Variants in DGKB observed in about 807,000 individuals in gnomAD.
DGKB encodes the protein 90 kDa diacylglycerol kinase.
Under a neutral mutation model 114.3 loss-of-function variants are expected in DGKB, and 67 were observed. The ratio of observed to expected loss-of-function variants is 0.59; its 90% confidence interval spans 0.48 to 0.72. The LOEUF is 0.72. Among genes scored for constraint, DGKB ranks in the 30% least tolerant of loss-of-function variants. DGKB has a pLI of 0.00. For synonymous variants in DGKB, 398 were observed against 323.1 expected (o/e 1.23, Z -2.49); for missense variants, 907 against 975.2 (o/e 0.93, Z 0.93).
At chr7:14,533,395 A>G (rs1272954599) in intron 20 of DGKB, among the ~76,000 whole-genome samples, 1 of 151,854 alleles carries the variant, frequency 6.6e-6, no homozygotes, top group Non-Finnish European at 1.5e-5. Context: ...AGCTTACAAG[A>G]CTTTTGAGAT....
At chr7:14,898,272 C>A (rs1365447882) in intron 1 of DGKB, among the ~76,000 whole-genome samples, 1 of 151,970 alleles carries the variant, frequency 6.6e-6, no homozygotes, top group Non-Finnish European at 1.5e-5. Context: ...AAAGAAGGTG[C>A]AACATTGTGC....
chr7:14,212,449 G>GATTTTACTCTCGTGTTTTGTGATAT (rs1355842044), intron 23 of DGKB, among the ~76,000 whole-genome samples: 1 of 151,208 alleles, frequency 6.6e-6, no homozygotes, highest in Non-Finnish European at 1.5e-5. Context: ...CATGTTTTGT[G>GATTTTACTCTCGTGTTTTGTGATAT]TTCCTCTACA....
upstream of DGKB, chr7:14,903,212 AGTGTGTGTGT>A (rs34367492): frequency 4.7e-3 from 646 of 137,500 alleles, 5 homozygotes; most frequent in Middle Eastern, 0.012. Context: ...AAGTCTGTGC[AGTGTGTGTGT>A]GTGTGTGTGT....
At chr7:14,752,724 T>C (rs534798829) in intron 4 of DGKB, among the ~76,000 whole-genome samples, 60 of 152,280 alleles carry the variant, frequency 3.9e-4, no homozygotes, top group African/African-American at 1.3e-3. Flanking sequence ...AGAGCTTATT[T>C]TGACATGAAT....
At chr7:14,909,477 G>A (rs909592709) in intron 1 of DGKB, among the ~76,000 whole-genome samples, 2 of 151,900 alleles carry the variant, frequency 1.3e-5, no homozygotes, top group African/African-American at 4.8e-5. Context: ...GTGTTGTTAA[G>A]AAGCACTTTA....
intron 20 of DGKB, among the ~76,000 whole-genome samples, chr7:14,542,349 C>T (rs1170573423): frequency 6.6e-6 from 1 of 152,012 alleles, no homozygotes; most frequent in African/African-American, 2.4e-5. Context: ...ATCTCCTTCT[C>T]CTCTGCATCT....
chr7:14,149,263 A>G lies in DGKB; in HGVS notation c.2305-25T>C. 2.6e-6 allele frequency: 4 copies of G among 1,556,640 alleles called. No individual in the cohort carries two copies. In the South Asian group the frequency reaches 3.3e-5, roughly 13 times the overall value. ...TCTAGAAAAAAAGAGAGAGAGAGAG[A>G]GAGAAAGAATAGAGTAATCTCCAGA... On this transcript the variant is annotated intron_variant, in intron 25 of 25. Coordinates refer to ENST00000402815, the MANE Select transcript of DGKB (RefSeq NM_001350709.2).
At chr7:14,149,264 G>A (rs1477175424) in intron 25 of DGKB, 26 bp from the exon 26 acceptor site, 5 of 1,522,572 alleles carry the variant, frequency 3.3e-6, no homozygotes, top group South Asian at 2.3e-5. Context: ...GAGAGAGAGA[G>A]AGAAAGAATA....
In DGKB at chr7:14,676,657, T is replaced by G. The variant is rs187016769; in HGVS notation, c.1036-3630A>C. On this transcript the variant is annotated intron_variant, in intron 12 of 25. Coordinates refer to ENST00000402815, the MANE Select transcript of DGKB (RefSeq NM_001350709.2). ...TCATCATATTTCGTGGACAAGAATA[T>G]AAGAAAAAGACACAGCTGGGTCCTT... Among the ~76,000 whole-genome samples the G allele has an allele frequency of 5.4e-3, 821 of 152,104 alleles. 2 individuals are homozygous for G. The highest frequency in any genetic ancestry group is 7.7e-3 in the Non-Finnish European group (522 of 67,952).
At chr7:14,475,651 A>G (rs1239135471) in intron 21 of DGKB, among the ~76,000 whole-genome samples, 1 of 152,110 alleles carries the variant, frequency 6.6e-6, no homozygotes, top group Non-Finnish European at 1.5e-5. Context: ...ATCTCTAGCA[A>G]AGACTCCCTA....
intron 16 of DGKB, among the ~76,000 whole-genome samples, chr7:14,607,804 T>C (rs1804795754): frequency 6.6e-6 from 1 of 151,764 alleles, no homozygotes; most frequent in African/African-American, 2.4e-5. Flanking sequence ...AACCCGCTTT[T>C]GAACATTATT....
At chr7:14,668,297 T>C (rs1032425000) in intron 13 of DGKB, among the ~76,000 whole-genome samples, 39 of 152,186 alleles carry the variant, frequency 2.6e-4, no homozygotes, top group Middle Eastern at 3.4e-3. Flanking sequence ...TAATATTATA[T>C]TCCAGATGAG....
At chr7:14,689,199 A>ATTTATTTTTTTTT (rs1822291187) in intron 9 of DGKB, among the ~76,000 whole-genome samples, 1 of 76,568 alleles carries the variant, frequency 1.3e-5, no homozygotes, top group East Asian at 7.0e-4. Context: ...AACTCCTCTT[A>ATTTATTTTTTTTT]TTTTTTTTTT....
rs368070602 is a variant in DGKB at position 14,736,628 on chromosome 7, A to AT, written c.169-435dup. Among the ~76,000 whole-genome samples the AT allele has an allele frequency of 3.6e-3, 546 of 152,254 alleles. 4 individuals carry two copies. The highest frequency in any genetic ancestry group is 0.012 in the African/African-American group (515 of 41,556). On this transcript the variant is annotated intron_variant, in intron 4 of 25. Coordinates refer to ENST00000402815, the MANE Select transcript of DGKB (RefSeq NM_001350709.2). ...ACTCAGAGAGAAAGGAATTTTCCAT[A>AT]TTTTTTGCTTGTCACTAATGGTGAT...
intron 13 of DGKB, among the ~76,000 whole-genome samples, chr7:14,649,321 A>C (rs1458054716): frequency 2.6e-5 from 4 of 151,808 alleles, no homozygotes; most frequent in Non-Finnish European, 4.4e-5. Flanking sequence ...ACAAGCCAGA[A>C]GACAGTGGGG....
At chr7:14,896,331 G>A (rs1782097159) in intron 1 of DGKB, among the ~76,000 whole-genome samples, 1 of 151,658 alleles carries the variant, frequency 6.6e-6, no homozygotes, top group East Asian at 1.9e-4. Flanking sequence ...CTTCTGGGTA[G>A]TTTATGTGTG....
intron 1 of DGKB, among the ~76,000 whole-genome samples, chr7:14,844,780 A>G (rs1009325875): frequency 2.6e-5 from 4 of 152,196 alleles, no homozygotes; most frequent in Non-Finnish European, 5.9e-5. Context: ...TCTTAATTAT[A>G]TCTTTCCACC....
chr7:14,338,936 A>T (rs1168555729), intron 22 of DGKB, among the ~76,000 whole-genome samples: 1 of 152,070 alleles, frequency 6.6e-6, no homozygotes, highest in African/African-American at 2.4e-5. Context: ...AAAATGATCA[A>T]ATTAAATCAC....
intron 2 of DGKB, among the ~76,000 whole-genome samples, chr7:14,814,674 C>T (rs17168457): frequency 0.06 from 9,104 of 152,114 alleles, 399 homozygotes; most frequent in Admixed American, 0.11. Context: ...AACTGACAAA[C>T]GTTATTTTTC....
Sources: allele counts gnomAD v4.1 joint callset (sites outside exome capture counted in the v4.1 genomes callset), GRCh38; gene constraint gnomAD v4.1.1; transcripts MANE v1.5; gene names NCBI Gene and HGNC (gene_info 2026-07-23, HGNC 2026-07-21).